Variants in TMEM131 observed in about 807,000 individuals in gnomAD.
TMEM131 encodes transmembrane protein 131, also known as 2610524E03Rik.
Under a neutral mutation model 211.6 loss-of-function variants are expected in TMEM131, and 66 were observed. That is an observed-to-expected ratio of 0.31 (90% CI 0.26 to 0.38). TMEM131 has a LOEUF of 0.38. Ranked by LOEUF, TMEM131 falls within the 10% of genes least tolerant of loss-of-function variation. The pLI is 1.00. For synonymous variants in TMEM131, 844 were observed against 841.3 expected (o/e 1.00, Z -0.06); for missense variants, 2,036 against 2,299.3 (o/e 0.89, Z 2.34).
chr2:97,972,441 G>A (rs1679339575), intron 1 of TMEM131, among the ~76,000 whole-genome samples: 1 of 141,522 alleles, frequency 7.1e-6, no homozygotes, highest in Admixed American at 6.9e-5. Context: ...AGAAAGGGGA[G>A]GGAGGGAGGG....
At chr2:97,790,080 A>T (rs1157004234) in intron 31 of TMEM131, among the ~76,000 whole-genome samples, 1 of 152,340 alleles carries the variant, frequency 6.6e-6, no homozygotes, top group East Asian at 1.9e-4. Context: ...AGGGGGAGAA[A>T]AAAAAGAACG....
intron 1 of TMEM131, among the ~76,000 whole-genome samples, chr2:97,987,570 T>C (rs1021437696): frequency 6.6e-6 from 1 of 152,176 alleles, no homozygotes; most frequent in Non-Finnish European, 1.5e-5. Flanking sequence ...TTAAATGTCT[T>C]TCATTTTATA....
intron 21 of TMEM131, 65 bp from the exon 22 acceptor site, chr2:97,805,270 T>C: frequency 6.4e-7 from 1 of 1,565,592 alleles, no homozygotes; most frequent in South Asian, 1.1e-5. Flanking sequence ...TCAAATAATT[T>C]CTATAGTAAC....
chr2:97,943,093 GAAAGAA>G lies in TMEM131; in HGVS notation c.188-15612_188-15607del, dbSNP rs1559464726. 3.9e-4 allele frequency among the ~76,000 whole-genome samples: 58 copies of G among 148,070 alleles called. 2 individuals are homozygous for G. The East Asian group carries it at 7.0e-3, about 18-fold the overall frequency. On this transcript the variant is annotated intron_variant, in intron 1 of 40. Coordinates refer to ENST00000186436, the MANE Select transcript of TMEM131 (RefSeq NM_015348.2). ...AGAAAGAAAGAAAGAAAGAAAGAAA[GAAAGAA>G]AGAGCTGGGTGTGGTGGTGCATGCC...
At chr2:97,840,859 G>A (rs888589539) in intron 7 of TMEM131, among the ~76,000 whole-genome samples, 8 of 152,144 alleles carry the variant, frequency 5.3e-5, no homozygotes, top group African/African-American at 1.4e-4. Context: ...GATTTCTTTC[G>A]TGCTGCTTTC....
chr2:97,756,556 A>G lies in TMEM131; in HGVS notation c.*543T>C, dbSNP rs1002956185. On this transcript the variant is annotated 3_prime_UTR_variant, in exon 41 of 41. Coordinates refer to ENST00000186436, the MANE Select transcript of TMEM131 (RefSeq NM_015348.2). ...ACATTCATTCACCGTTCTTAAGTTG[A>G]CTTACATTTCTGTAATCTGCTTTTA... 3 of 152,272 alleles carry G rather than the reference A, an allele frequency of 2.0e-5. No homozygotes were observed. The highest frequency in any genetic ancestry group is 4.4e-5 in the Non-Finnish European group (3 of 68,072). 9.4% of individuals were successfully genotyped at this position (152,272 alleles called of 1,614,324 possible). A position where few individuals can be genotyped will look rare whatever the true frequency, so the allele number is the denominator to read the frequency against.
intron 30 of TMEM131, 126 bp downstream of exon 30, chr2:97,793,266 GTTA>G (rs1023866642): frequency 1.1e-6 from 1 of 949,208 alleles, no homozygotes; most frequent in African/African-American, 1.7e-5. Context: ...CATACAGGGT[GTTA>G]TTAAGTAATC....
intron 3 of TMEM131, among the ~76,000 whole-genome samples, chr2:97,902,127 A>G (rs752582144): frequency 9.9e-5 from 15 of 152,218 alleles, no homozygotes; most frequent in Non-Finnish European, 1.6e-4. Context: ...TAAATGGGAT[A>G]CAGAGAGAAA....
intron 3 of TMEM131, among the ~76,000 whole-genome samples, chr2:97,896,868 TA>T (rs577680346): frequency 1.6e-3 from 233 of 148,120 alleles, no homozygotes; most frequent in Middle Eastern, 3.5e-3. Flanking sequence ...TATCAATTTC[TA>T]AAAAAAAAAA....
chr2:97,849,478 T>A (rs1358224966), intron 5 of TMEM131, among the ~76,000 whole-genome samples: 1 of 152,184 alleles, frequency 6.6e-6, no homozygotes, highest in Non-Finnish European at 1.5e-5. Context: ...TGCTATATGC[T>A]ACATGGTTCC....
intron 1 of TMEM131, among the ~76,000 whole-genome samples, chr2:97,991,702 T>G (rs1680274114): frequency 6.6e-6 from 1 of 151,952 alleles, no homozygotes; most frequent in Non-Finnish European, 1.5e-5. Context: ...AGGGGAAAAT[T>G]CAGCTGTAGG....
At chr2:97,961,466 T>C (rs933766063) in intron 1 of TMEM131, among the ~76,000 whole-genome samples, 2 of 152,204 alleles carry the variant, frequency 1.3e-5, no homozygotes, top group Non-Finnish European at 2.9e-5. Flanking sequence ...AAAAACTCCA[T>C]GTTGTTATAT....
chr2:97,790,843 T>G (rs1263720906), intron 31 of TMEM131, among the ~76,000 whole-genome samples: 2 of 152,250 alleles, frequency 1.3e-5, no homozygotes, highest in Non-Finnish European at 2.9e-5. Context: ...ACCAATCATA[T>G]TCAAGACATC....
chr2:97,892,067 A>G (rs1306731176), intron 3 of TMEM131, among the ~76,000 whole-genome samples: 4 of 152,208 alleles, frequency 2.6e-5, no homozygotes, highest in South Asian at 4.1e-4. Context: ...TAAATGAATA[A>G]GACTTCTCCT....
intron 22 of TMEM131, 100 bp from the exon 23 acceptor site, chr2:97,802,890 C>A: frequency 9.7e-7 from 1 of 1,031,540 alleles, no homozygotes; most frequent in East Asian, 2.8e-5. Context: ...AAATTTTTTG[C>A]TGGCCCTGAA....
At chr2:97,874,849 G>A (rs1674628193) in intron 4 of TMEM131, among the ~76,000 whole-genome samples, 2 of 152,082 alleles carry the variant, frequency 1.3e-5, no homozygotes, top group South Asian at 4.2e-4. Flanking sequence ...CATAATAACA[G>A]GATCAAATTT....
intron 4 of TMEM131, among the ~76,000 whole-genome samples, chr2:97,876,288 C>G (rs1674690600): frequency 6.6e-6 from 1 of 152,176 alleles, no homozygotes; most frequent in African/African-American, 2.4e-5. Context: ...CAAAGAGGAG[C>G]TGGTACCATT....
At position 97,802,615 on chromosome 2, in the gene TMEM131, TG is replaced by T. The variant is rs770857609; in HGVS notation, c.2541+36del. 1.0e-5 allele frequency: 16 copies of T among 1,607,930 alleles called. No individual in the cohort carries two copies. The Admixed American group carries it at 1.4e-4, about 14-fold the overall frequency. ...GAGTAAATACTTTATAATCCTAGTA[TG>T]TATTTCCAAAAACCAATGTCACTTT... On this transcript the variant is annotated intron_variant, in intron 23 of 40. Coordinates refer to ENST00000186436, the MANE Select transcript of TMEM131 (RefSeq NM_015348.2).
rs750610112 is a variant in TMEM131, at chr2:97,775,955, T to G, written c.4208A>C (p.Lys1403Thr). 4 of 1,613,976 alleles carry G rather than the reference T, an allele frequency of 2.5e-6. No individual in the cohort carries two copies. The South Asian group carries it at 3.3e-5, about 13-fold the overall frequency. The change falls in exon 32 of 41, where the codon AAG becomes ACG. Residue 1403 changes from lysine to threonine, a missense_variant. This residue lies in a region of TMEM131 where 1,623 missense variants were observed against 1,805.9 expected (regional missense o/e 0.90). Coordinates refer to ENST00000186436, the MANE Select transcript of TMEM131 (RefSeq NM_015348.2). ...PPKKQEEKEK[K>T]GKGKPQEDEL... is the part of the protein sequence containing the mutation. ...ATCTTCCTGTGGCTTTCCCTTTCCC[T>G]TCTTCTCCTTTTCCTCTTGCTTCTT...
Sources: gnomAD v4.1 joint callset for allele counts (sites outside exome capture counted in the v4.1 genomes callset) on GRCh38, gnomAD v4.1.1 for gene constraint, gnomAD v4.1.1 regional missense constraint, MANE v1.5 for transcripts, NCBI Gene and HGNC (gene_info 2026-07-23, HGNC 2026-07-21) for gene names.